Variants in EYS observed in about 807,000 individuals in gnomAD.
The protein encoded by EYS is protein eyes shut homolog.
EYS carries 250 observed loss-of-function variants against 282.1 expected under a neutral mutation model. The ratio of observed to expected loss-of-function variants is 0.89; its 90% CI spans 0.80 to 0.98. EYS has a LOEUF of 0.98. Ranked by LOEUF, EYS falls within the 50% of genes least tolerant of loss-of-function variation. EYS has a pLI of 0.00. For synonymous variants in EYS, 1,355 were observed against 1,282.9 expected (o/e 1.06, Z -1.20); for missense variants, 4,016 against 3,709.0 (o/e 1.08, Z -2.15).
chr6:65,171,643 A>G (rs1765108372), intron 12 of EYS, among the ~76,000 whole-genome samples: 1 of 151,434 alleles, frequency 6.6e-6, no homozygotes, highest in Admixed American at 6.6e-5. Flanking sequence ...CCAAGAAAAA[A>G]CAATCAAAAC....
At chr6:64,929,533 AG>A (rs1314006552) in intron 15 of EYS, among the ~76,000 whole-genome samples, 10 of 152,146 alleles carry the variant, frequency 6.6e-5, no homozygotes, top group Admixed American at 6.6e-4. Flanking sequence ...GTTATCAAAA[AG>A]CAATTTTACT....
rs567256310 is a variant in EYS, at chr6:63,879,159, G to C, written c.7056-14801C>G. On this transcript the variant is annotated intron_variant, in intron 35 of 42. Coordinates refer to ENST00000503581, the MANE Select transcript of EYS (RefSeq NM_001142800.2). ...GGTTTCTGGTTTGTCTAGCTGAGTA[G>C]ATTTTGGTGCCATTCTTGAAACTGA... is the stretch of plus-strand genomic sequence containing the variant. 3.7e-4 allele frequency among the ~76,000 whole-genome samples: 57 copies of C among 152,284 alleles called. 1 individual carries two copies. The highest frequency in any genetic ancestry group is 1.3e-3 in the African/African-American group (56 of 41,568).
intron 1 of EYS, among the ~76,000 whole-genome samples, chr6:65,655,485 A>G (rs999272447): frequency 2.6e-5 from 4 of 151,890 alleles, no homozygotes; most frequent in Admixed American, 6.6e-5. Context: ...AAATGGTACA[A>G]TGAAAATGGC....
chr6:65,402,445 T>C (rs898496744), intron 7 of EYS, 33 bp downstream of exon 7: 1 of 1,374,800 alleles, frequency 7.3e-7, no homozygotes, highest in African/African-American at 1.4e-5. Context: ...TCCATGTACT[T>C]TGTATTAAAA....
intron 22 of EYS, among the ~76,000 whole-genome samples, chr6:64,811,217 C>A (rs1366697171): frequency 6.6e-6 from 1 of 151,996 alleles, no homozygotes; most frequent in Non-Finnish European, 1.5e-5. Flanking sequence ...AGAAACTGCA[C>A]CTCCCAAGGC....
intron 30 of EYS, among the ~76,000 whole-genome samples, chr6:64,293,529 G>C (rs1268875067): frequency 6.6e-6 from 1 of 151,874 alleles, no homozygotes; most frequent in Admixed American, 6.6e-5. Flanking sequence ...AGGATGGCAG[G>C]GTAACATAAC....
In EYS at chr6:63,788,243, C is replaced by G; in HGVS notation, c.7585G>C (p.Asp2529His). The change falls in exon 39 of 43, where the codon GAT (aspartate) becomes CAT (histidine). Residue 2529 changes from aspartate (D) to histidine (H), a missense_variant. Physicochemically the swap from Asp to His is moderately conservative, Grantham distance 81. Coordinates refer to ENST00000503581, the MANE Select transcript of EYS (RefSeq NM_001142800.2). The stretch of plus-strand genomic sequence containing the variant: ...GCGATAATGGATTTATTTTTATGAT[C>G]ATCTACCTTCGAAAGGGAAAAAAAA... Reference protein sequence around the residue: ...FFQEGWLKVDDHKNKSIIAPG... With the variant: ...FFQEGWLKVDHHKNKSIIAPG... 1 of 1,530,784 alleles carries G rather than the reference C, an allele frequency of 6.5e-7. No individual in the cohort carries two copies. Among genetic ancestry groups the G allele is most frequent in the Non-Finnish European group, 8.8e-7 (1 of 1,140,954 alleles). The allele number at this position is 1,530,784 out of a possible 1,614,324, so 94.8% of individuals were successfully genotyped here.
chr6:64,360,700 G>A (rs991124925), intron 29 of EYS, among the ~76,000 whole-genome samples: 1 of 151,686 alleles, frequency 6.6e-6, no homozygotes, highest in Non-Finnish European at 1.5e-5. Flanking sequence ...TATATATGCA[G>A]CATAGTCATA....
chr6:64,282,348 T>A (rs950323010), intron 30 of EYS, among the ~76,000 whole-genome samples: 1 of 152,060 alleles, frequency 6.6e-6, no homozygotes, highest in African/African-American at 2.4e-5. Context: ...CAAATTAGAG[T>A]CAACCTTTTG....
At chr6:65,169,343 C>G (rs192617348) in intron 12 of EYS, among the ~76,000 whole-genome samples, 24 of 151,516 alleles carry the variant, frequency 1.6e-4, no homozygotes, top group Admixed American at 5.9e-4. Flanking sequence ...TGCAAGATAA[C>G]ACAAGCAAAT....
Position 65,694,250 on chromosome 6 carries a change from C to T in EYS, c.-448+12885G>A, listed in dbSNP as rs1769352644. On this transcript the variant is annotated intron_variant, in intron 1 of 42. Transcript: ENST00000503581. The stretch of plus-strand genomic sequence containing the variant: ...TCCAGGCTGGGCAACAAGAGCAAAA[C>T]TCTATCTCAAAAAAAATAAAAAATA... Among the ~76,000 whole-genome samples the T allele has an allele frequency of 2.0e-5, 3 of 148,976 alleles. 1 individual carries two copies. Among genetic ancestry groups the T allele is most frequent in the African/African-American group, 4.9e-5 (2 of 40,494 alleles).
chr6:64,044,348 T>G (rs1357319942), intron 33 of EYS, among the ~76,000 whole-genome samples: 1 of 152,200 alleles, frequency 6.6e-6, no homozygotes, highest in African/African-American at 2.4e-5. Context: ...GCTACAGCCC[T>G]TGCATTACTG....
chr6:64,951,340 C>T (rs938889884), intron 14 of EYS, among the ~76,000 whole-genome samples: 6 of 151,824 alleles, frequency 4.0e-5, no homozygotes, highest in African/African-American at 9.7e-5. Context: ...ACAGCTTTAA[C>T]GGCATGAAAA....
At chr6:64,335,640 T>A (rs550934167) in intron 29 of EYS, among the ~76,000 whole-genome samples, 1 of 152,194 alleles carries the variant, frequency 6.6e-6, no homozygotes, top group South Asian at 2.1e-4. Flanking sequence ...CGAACCTTTT[T>A]CAGTCTCTCC....
chr6:63,804,907 TCAAA>T (rs1321507554), intron 37 of EYS, among the ~76,000 whole-genome samples: 2 of 152,140 alleles, frequency 1.3e-5, no homozygotes, highest in Non-Finnish European at 2.9e-5. Context: ...GGGAAGAGAT[TCAAA>T]CAAATTTTGG....
At chr6:64,969,579 T>C (rs1257908338) in intron 14 of EYS, among the ~76,000 whole-genome samples, 5 of 152,074 alleles carry the variant, frequency 3.3e-5, no homozygotes, top group Non-Finnish European at 2.9e-5. Context: ...CTAAGGACAG[T>C]AGAGCCCAAA....
At chr6:64,402,110 C>A (rs1418402138) in intron 28 of EYS, among the ~76,000 whole-genome samples, 2 of 152,110 alleles carry the variant, frequency 1.3e-5, no homozygotes, top group African/African-American at 4.8e-5. Flanking sequence ...ATTTTGCCAA[C>A]TGATATATTA....
chr6:64,936,192 C>A (rs1475902298), intron 15 of EYS, among the ~76,000 whole-genome samples: 2 of 151,382 alleles, frequency 1.3e-5, no homozygotes, highest in Non-Finnish European at 3.0e-5. Flanking sequence ...AGACAAATTA[C>A]ACATATAAAC....
intron 29 of EYS, among the ~76,000 whole-genome samples, chr6:64,365,981 A>G (rs1484482555): frequency 1.3e-5 from 2 of 152,030 alleles, no homozygotes; most frequent in Non-Finnish European, 2.9e-5. Context: ...ATATGTTAGT[A>G]TAAATAGCAT....
Sources: allele counts gnomAD v4.1 joint callset (sites outside exome capture counted in the v4.1 genomes callset), GRCh38; gene constraint gnomAD v4.1.1; transcripts MANE v1.5; gene names NCBI Gene and HGNC (gene_info 2026-07-23, HGNC 2026-07-21).